SCARA5: variants seen among roughly 807,000 people sequenced by gnomAD.
SCARA5 encodes scavenger receptor class A, member 5 (putative).
SCARA5 carries 45 observed loss-of-function variants against 46.3 expected under a neutral mutation model. That is an observed-to-expected ratio of 0.97 (90% CI 0.76 to 1.24). The LOEUF (loss-of-function observed/expected upper bound fraction) is 1.24. Ranked by LOEUF, SCARA5 falls within the 50% of genes most tolerant of loss-of-function variation. The pLI is 0.00. For missense variants in SCARA5, 680 were observed against 689.0 expected (o/e 0.99, Z 0.15); for synonymous variants, 333 against 306.5 (o/e 1.09, Z -0.90).
At chr8:27,873,348 C>T (rs1210275100) in intron 8 of SCARA5, among the ~76,000 whole-genome samples, 1 of 152,158 alleles carries the variant, frequency 6.6e-6, no homozygotes, top group Non-Finnish European at 1.5e-5. Context: ...TATAAGAAGA[C>T]AGGAATGTCA....
chr8:27,928,935 A>G (rs2129836261), intron 3 of SCARA5, among the ~76,000 whole-genome samples: 1 of 152,246 alleles, frequency 6.6e-6, no homozygotes, highest in South Asian at 2.1e-4. Context: ...TACAGGCGTG[A>G]GCCACCAGGC....
intron 3 of SCARA5, among the ~76,000 whole-genome samples, chr8:27,959,042 G>T (rs972017743): frequency 1.3e-5 from 2 of 152,272 alleles, no homozygotes; most frequent in South Asian, 4.2e-4. Flanking sequence ...AGACCAGCCT[G>T]GCAAACATGG....
At chr8:27,916,782 G>T (rs756187) in intron 4 of SCARA5, among the ~76,000 whole-genome samples, 82,953 of 151,988 alleles carry the variant, frequency 0.55, 23,489 homozygotes, top group Non-Finnish European at 0.63. Flanking sequence ...GAGAGCTGGA[G>T]GCCCAAGCAC....
intron 3 of SCARA5, among the ~76,000 whole-genome samples, chr8:27,945,981 C>A (rs1808030361): frequency 6.6e-6 from 1 of 152,156 alleles, no homozygotes; most frequent in Admixed American, 6.5e-5. Flanking sequence ...TTTTGGAAGG[C>A]AATTTGGCAA....
At chr8:27,977,448 AC>A (rs1808543237) in intron 2 of SCARA5, among the ~76,000 whole-genome samples, 2 of 151,982 alleles carry the variant, frequency 1.3e-5, no homozygotes. Context: ...CAGCCGTGAA[AC>A]CTCATTCCCT....
chr8:27,975,040 C>A (rs1162890444), intron 2 of SCARA5, among the ~76,000 whole-genome samples: 1 of 152,140 alleles, frequency 6.6e-6, no homozygotes, highest in Non-Finnish European at 1.5e-5. Context: ...AGGCTGGCCA[C>A]TGGAATGACC....
chr8:27,876,674 A>G (rs550758679), intron 8 of SCARA5, among the ~76,000 whole-genome samples: 1 of 152,312 alleles, frequency 6.6e-6, no homozygotes, highest in East Asian at 1.9e-4. Flanking sequence ...CTGGAGCTCC[A>G]CTGAGCACTG....
chr8:27,931,283 G>A (rs1307609912), intron 3 of SCARA5, among the ~76,000 whole-genome samples: 3 of 152,270 alleles, frequency 2.0e-5, no homozygotes, highest in South Asian at 2.1e-4. Flanking sequence ...CTCTGCTGTC[G>A]CTCTTCTGAA....
intron 2 of SCARA5, among the ~76,000 whole-genome samples, chr8:27,987,041 T>A (rs1003755010): frequency 6.6e-6 from 1 of 152,210 alleles, no homozygotes; most frequent in Non-Finnish European, 1.5e-5. Flanking sequence ...CCCCTTTCTG[T>A]GGCAAGACCA....
chr8:27,969,082 C>A (rs1346565123), intron 2 of SCARA5, among the ~76,000 whole-genome samples: 1 of 152,208 alleles, frequency 6.6e-6, no homozygotes, highest in African/African-American at 2.4e-5. Flanking sequence ...CATGAATGAT[C>A]TGGCAAGGCC....
intron 2 of SCARA5, among the ~76,000 whole-genome samples, chr8:27,970,259 T>C (rs1808428877): frequency 6.6e-6 from 1 of 152,088 alleles, no homozygotes. Flanking sequence ...CTTCGGATGA[T>C]GGCAGCCTGG....
chr8:27,875,125 ATTCTTCCTTCCTCGCTCCCTTCT>A (rs1806701257), intron 8 of SCARA5, among the ~76,000 whole-genome samples: 2 of 151,234 alleles, frequency 1.3e-5, no homozygotes, highest in East Asian at 2.0e-4. Flanking sequence ...CCTTCCTTCT[ATTCTTCCTTCCTCGCTCCCTTCT>A]TTCTTCCTTC....
chr8:27,952,641 C>A (rs921840416), intron 3 of SCARA5, among the ~76,000 whole-genome samples: 1 of 152,214 alleles, frequency 6.6e-6, no homozygotes, highest in African/African-American at 2.4e-5. Flanking sequence ...TCATTCCCTG[C>A]AAATTGGTGC....
intron 3 of SCARA5, among the ~76,000 whole-genome samples, chr8:27,939,928 C>G (rs1053095988): frequency 1.3e-5 from 2 of 152,298 alleles, no homozygotes; most frequent in Middle Eastern, 3.4e-3. Context: ...CTTGCCCTAG[C>G]AAGAGACTCC....
chr8:27,977,027 C>T (rs1329138637), intron 2 of SCARA5, among the ~76,000 whole-genome samples: 2 of 152,160 alleles, frequency 1.3e-5, no homozygotes, highest in Non-Finnish European at 2.9e-5. Flanking sequence ...ATGTACTGCT[C>T]ACAGTTCTGG....
At chr8:27,901,246 T>A (rs1022276241) in intron 7 of SCARA5, among the ~76,000 whole-genome samples, 1 of 152,132 alleles carries the variant, frequency 6.6e-6, no homozygotes, top group Non-Finnish European at 1.5e-5. Flanking sequence ...TTTTGCACAG[T>A]TACATCCCCA....
rs530709054 is a variant in SCARA5 at position 27,947,211 on chromosome 8, C to T, written c.241+19203G>A. Among the ~76,000 whole-genome samples, 8 of 152,192 alleles carry T rather than the reference C, an allele frequency of 5.3e-5. No homozygotes were observed. In the East Asian group the frequency reaches 5.8e-4, roughly 11 times the overall value. The stretch of plus-strand genomic sequence containing the variant: ...ATTTTTAGTAGAGACAGGGTTTCGC[C>T]GTGTTGGCCAGGCTGGTCTCGAACT... On this transcript the variant is annotated intron_variant, in intron 3 of 8. Transcript: ENST00000354914.
intron 3 of SCARA5, among the ~76,000 whole-genome samples, chr8:27,922,877 G>A (rs1807621696): frequency 6.6e-6 from 1 of 152,212 alleles, no homozygotes; most frequent in African/African-American, 2.4e-5. Flanking sequence ...TGAGGGAGCT[G>A]TTTGCCCTTC....
chr8:27,902,334 A>C (rs1034332262), intron 7 of SCARA5, among the ~76,000 whole-genome samples: 6 of 150,718 alleles, frequency 4.0e-5, no homozygotes, highest in Admixed American at 1.3e-4. Flanking sequence ...CTCCCCACCC[A>C]TCCCCAGGGA....
Sources: allele counts gnomAD v4.1 joint callset (sites outside exome capture counted in the v4.1 genomes callset), GRCh38; gene constraint gnomAD v4.1.1; transcripts MANE v1.5; gene names NCBI Gene and HGNC (gene_info 2026-07-23, HGNC 2026-07-21).